Variants in SPTLC2 observed in about 807,000 individuals in gnomAD.
SPTLC2 encodes the protein serine palmitoyltransferase 2.
A neutral mutation model predicts 62.0 loss-of-function variants in SPTLC2; 21 were observed. The observed-to-expected ratio is 0.34, with a 90% CI of 0.24 to 0.49. SPTLC2 has a LOEUF of 0.49. Among genes scored for constraint, SPTLC2 ranks in the 20% least tolerant of loss-of-function variants. The pLI is 0.99. For missense variants in SPTLC2, 511 were observed against 713.0 expected (o/e 0.72, Z 3.23); for synonymous variants, 261 against 261.8 (o/e 1.00, Z 0.03).
At chr14:77,571,248 C>T (rs1266429179) in intron 4 of SPTLC2, among the ~76,000 whole-genome samples, 4 of 152,140 alleles carry the variant, frequency 2.6e-5, no homozygotes, top group Non-Finnish European at 5.9e-5. Context: ...CAGTGGCTCA[C>T]GCCTGTAATT....
intron 9 of SPTLC2, among the ~76,000 whole-genome samples, chr14:77,551,280 G>A (rs1044753536): frequency 7.3e-5 from 11 of 151,352 alleles, no homozygotes; most frequent in Admixed American, 2.0e-4. Context: ...TGTAGTCCCA[G>A]CTACTCGGGA....
intron 9 of SPTLC2, among the ~76,000 whole-genome samples, chr14:77,529,623 T>A (rs1328628941): frequency 1.5e-5 from 1 of 68,300 alleles, no homozygotes; most frequent in African/African-American, 6.5e-5. Context: ...TTTCTTTCTT[T>A]TTTTTTTTTT....
chr14:77,532,949 G>A (rs990856141), intron 9 of SPTLC2, among the ~76,000 whole-genome samples: 3 of 152,034 alleles, frequency 2.0e-5, no homozygotes, highest in African/African-American at 7.2e-5. Context: ...CACCATAGTA[G>A]CAAAGCATGA....
intron 1 of SPTLC2, among the ~76,000 whole-genome samples, chr14:77,611,821 G>A (rs1275676839): frequency 7.2e-5 from 10 of 139,852 alleles, no homozygotes; most frequent in African/African-American, 1.1e-4. Flanking sequence ...GTGAGACTCC[G>A]TCTCAAAAAA....
At chr14:77,586,123 T>G (rs2079780040) in intron 2 of SPTLC2, among the ~76,000 whole-genome samples, 1 of 149,344 alleles carries the variant, frequency 6.7e-6, no homozygotes, top group Admixed American at 6.9e-5. Context: ...TTACCCAGGC[T>G]GGAGTGCAGT....
At chr14:77,611,458 C>CA (rs34421039) in intron 1 of SPTLC2, among the ~76,000 whole-genome samples, 23,514 of 110,670 alleles carry the variant, frequency 0.21, 2,656 homozygotes, top group East Asian at 0.42. Flanking sequence ...CCTATCTCGC[C>CA]AAAAAAAAAA....
intron 6 of SPTLC2, among the ~76,000 whole-genome samples, chr14:77,559,091 G>A (rs1004104546): frequency 5.9e-5 from 9 of 152,156 alleles, no homozygotes; most frequent in South Asian, 2.1e-4. Flanking sequence ...AGACCGAGGC[G>A]GGTGAATCGC....
At chr14:77,529,620 C>CTTTCTTTCTTTTTTTTTTTTTTTTTTTTT in intron 9 of SPTLC2, among the ~76,000 whole-genome samples, 1 of 76,058 alleles carries the variant, frequency 1.3e-5, no homozygotes, top group African/African-American at 4.1e-5. Flanking sequence ...TTCTTTCTTT[C>CTTTCTTTCTTTTTTTTTTTTTTTTTTTTT]TTTTTTTTTT....
chr14:77,564,311 G>A (rs1488154374), intron 5 of SPTLC2, among the ~76,000 whole-genome samples: 1 of 146,770 alleles, frequency 6.8e-6, no homozygotes, highest in African/African-American at 2.5e-5. Flanking sequence ...GGAGAAGGAG[G>A]AGAAGGAGAA....
intron 9 of SPTLC2, among the ~76,000 whole-genome samples, chr14:77,545,204 A>G (rs1478160758): frequency 6.6e-6 from 1 of 152,102 alleles, no homozygotes; most frequent in Non-Finnish European, 1.5e-5. Context: ...GTGACAATTA[A>G]AAAAAAATCA....
chr14:77,610,440 T>C (rs1267889339), intron 1 of SPTLC2, among the ~76,000 whole-genome samples: 2 of 151,896 alleles, frequency 1.3e-5, no homozygotes, highest in Admixed American at 6.6e-5. Context: ...CGGTACCTGG[T>C]CATATACCTT....
chr14:77,553,749 A>AAT (rs1566778027), intron 8 of SPTLC2, among the ~76,000 whole-genome samples: 1 of 150,946 alleles, frequency 6.6e-6, no homozygotes, highest in Non-Finnish European at 1.5e-5. Flanking sequence ...AAAAAAAAAA[A>AAT]ATCTATCAAA....
intron 1 of SPTLC2, among the ~76,000 whole-genome samples, chr14:77,608,146 C>T (rs2079914885): frequency 6.6e-6 from 1 of 152,158 alleles, no homozygotes; most frequent in South Asian, 2.1e-4. Context: ...CAGAGTGTGC[C>T]AGACCCCAGG....
At chr14:77,571,508 C>CAAAA (rs71128649) in intron 4 of SPTLC2, among the ~76,000 whole-genome samples, 2 of 133,410 alleles carry the variant, frequency 1.5e-5, no homozygotes, top group Non-Finnish European at 3.2e-5. Flanking sequence ...GACTCTGACT[C>CAAAA]AAAAAAAAAA....
chr14:77,583,376 G>GTGTATTTCCAAAAAAAGT (rs1334448125), intron 2 of SPTLC2, among the ~76,000 whole-genome samples: 1 of 151,990 alleles, frequency 6.6e-6, no homozygotes, highest in Non-Finnish European at 1.5e-5. Flanking sequence ...AAAAATATCA[G>GTGTATTTCCAAAAAAAGT]GTTAACTTTA....
At chr14:77,565,389 A>T (rs2079639531) in intron 5 of SPTLC2, among the ~76,000 whole-genome samples, 1 of 152,160 alleles carries the variant, frequency 6.6e-6, no homozygotes, top group African/African-American at 2.4e-5. Flanking sequence ...ATATATGGTG[A>T]TTACAAAGAG....
intron 9 of SPTLC2, among the ~76,000 whole-genome samples, chr14:77,524,554 G>A (rs143292631): frequency 7.2e-4 from 109 of 152,264 alleles, no homozygotes; most frequent in African/African-American, 2.5e-3. Context: ...AGGGATGTGT[G>A]CACAGCTATG....
At chr14:77,596,935 C>T (rs1329944727) in intron 2 of SPTLC2, among the ~76,000 whole-genome samples, 2 of 152,182 alleles carry the variant, frequency 1.3e-5, no homozygotes, top group Non-Finnish European at 2.9e-5. Context: ...TTTTTGATTT[C>T]TAATCCATAA....
In SPTLC2 at chr14:77,509,851, C is replaced by T; in HGVS notation, c.*2433G>A. 2.5e-6 allele frequency: 1 copy of T among 398,362 alleles called. No homozygotes were observed. The highest frequency in any genetic ancestry group is 3.6e-5 in the East Asian group (1 of 28,002). 24.7% of individuals were successfully genotyped at this position (398,362 alleles called of 1,614,324 possible). ...TCAAAATAAACTTGTAACAAAATTA[C>T]ACTTATCTTGAAATAACTTTGTACC... On this transcript the variant is annotated 3_prime_UTR_variant, in exon 12 of 12. Transcript: ENST00000216484.
Sources: gnomAD v4.1 joint callset for allele counts (sites outside exome capture counted in the v4.1 genomes callset) on GRCh38, gnomAD v4.1.1 for gene constraint, MANE v1.5 for transcripts, NCBI Gene and HGNC (gene_info 2026-07-23, HGNC 2026-07-21) for gene names.